DGKB: variants seen among roughly 807,000 people sequenced by gnomAD.
DGKB encodes the protein diacylglycerol kinase beta.
A neutral mutation model predicts 114.3 loss-of-function variants in DGKB; 67 were observed. That is an observed-to-expected ratio of 0.59 (90% CI 0.48 to 0.72). The LOEUF (loss-of-function observed/expected upper bound fraction) is 0.72. Ranked by LOEUF, DGKB falls within the 30% of genes least tolerant of loss-of-function variation. The pLI, the probability that DGKB is intolerant of heterozygous loss-of-function variation, is 0.00. For synonymous variants in DGKB, 398 were observed against 323.1 expected (o/e 1.23, Z -2.49); for missense variants, 907 against 975.2 (o/e 0.93, Z 0.93).
chr7:14,777,746 C>T (rs1223891378), intron 2 of DGKB, among the ~76,000 whole-genome samples: 2 of 152,132 alleles, frequency 1.3e-5, no homozygotes, highest in African/African-American at 4.8e-5. Context: ...CTAATACATA[C>T]ACATTTAGAA....
At chr7:14,642,622 A>G (rs551561687) in intron 13 of DGKB, among the ~76,000 whole-genome samples, 2 of 152,196 alleles carry the variant, frequency 1.3e-5, no homozygotes, top group African/African-American at 4.8e-5. Flanking sequence ...AATCAAGCCT[A>G]TAATATTTAT....
At chr7:14,379,153 T>C (rs1818977500) in intron 21 of DGKB, among the ~76,000 whole-genome samples, 1 of 152,182 alleles carries the variant, frequency 6.6e-6, no homozygotes, top group Non-Finnish European at 1.5e-5. Flanking sequence ...CTTCATTTTC[T>C]AAATTTGTTA....
At chr7:14,610,183 C>T (rs1193860930) in intron 16 of DGKB, among the ~76,000 whole-genome samples, 1 of 152,028 alleles carries the variant, frequency 6.6e-6, no homozygotes, top group Non-Finnish European at 1.5e-5. Context: ...TGGAATACTA[C>T]ACAGCCATTA....
At chr7:14,411,620 T>C (rs531561084) in intron 21 of DGKB, among the ~76,000 whole-genome samples, 226 of 152,154 alleles carry the variant, frequency 1.5e-3, no homozygotes, top group African/African-American at 5.0e-3. Flanking sequence ...AATTCCTGCA[T>C]AATAGGATCA....
chr7:14,715,075 T>G (rs924553219), intron 6 of DGKB, among the ~76,000 whole-genome samples: 6 of 152,080 alleles, frequency 3.9e-5, no homozygotes, highest in Non-Finnish European at 5.9e-5. Context: ...GAAAACTGAG[T>G]CCTGAGGAAG....
At chr7:14,421,866 G>A (rs1383288112) in intron 21 of DGKB, among the ~76,000 whole-genome samples, 1 of 151,894 alleles carries the variant, frequency 6.6e-6, no homozygotes, top group Non-Finnish European at 1.5e-5. Context: ...CAAATATGGG[G>A]CTCAGAAGTA....
At chr7:14,506,242 C>A (rs1787035970) in intron 20 of DGKB, among the ~76,000 whole-genome samples, 1 of 152,134 alleles carries the variant, frequency 6.6e-6, no homozygotes, top group Admixed American at 6.5e-5. Context: ...GATGTAAACT[C>A]ACCCACATAA....
intron 13 of DGKB, among the ~76,000 whole-genome samples, chr7:14,654,278 C>T (rs2128908094): frequency 6.6e-6 from 1 of 151,902 alleles, no homozygotes; most frequent in South Asian, 2.1e-4. Context: ...GAAGGAAATC[C>T]CATTTATAAT....
intron 23 of DGKB, among the ~76,000 whole-genome samples, chr7:14,238,185 T>C (rs1032485357): frequency 3.9e-5 from 6 of 152,048 alleles, no homozygotes; most frequent in Admixed American, 1.3e-4. Flanking sequence ...GTAATTCCCA[T>C]GTATTGAGGG....
intron 20 of DGKB, among the ~76,000 whole-genome samples, chr7:14,519,607 G>A (rs919581127): frequency 1.3e-5 from 2 of 151,958 alleles, no homozygotes; most frequent in African/African-American, 4.8e-5. Context: ...ATTTCTAGGT[G>A]TAGAATTAAC....
At chr7:14,319,377 TA>T (rs1342128261) in intron 23 of DGKB, among the ~76,000 whole-genome samples, 1 of 152,166 alleles carries the variant, frequency 6.6e-6, no homozygotes, top group Non-Finnish European at 1.5e-5. Context: ...CAGAGATTTA[TA>T]AAAAGCAATA....
intron 4 of DGKB, among the ~76,000 whole-genome samples, chr7:14,741,368 C>T (rs777141175): frequency 1.3e-5 from 2 of 152,186 alleles, no homozygotes; most frequent in African/African-American, 2.4e-5. Context: ...AGGTTGGTCT[C>T]AAGCTGTAGC....
chr7:14,513,399 T>C lies in DGKB; in HGVS notation c.1771-35174A>G, dbSNP rs183484236. Among the ~76,000 whole-genome samples the C allele has an allele frequency of 1.6e-3, 246 of 152,170 alleles. 6 individuals carry two copies. The highest frequency in any genetic ancestry group is 0.016 in the Admixed American group (243 of 15,288). ...CTTTTCTGAGTGTAAATTTGTTGTGTATTTTGCACTTTCTCATCAAATTAA... is the reference window on the plus strand; with the variant it reads ...CTTTTCTGAGTGTAAATTTGTTGTGCATTTTGCACTTTCTCATCAAATTAA... On this transcript the variant is annotated intron_variant, in intron 20 of 25. Coordinates refer to ENST00000402815, the MANE Select transcript of DGKB (RefSeq NM_001350709.2).
intron 20 of DGKB, among the ~76,000 whole-genome samples, chr7:14,558,781 T>C (rs1032872606): frequency 6.6e-6 from 1 of 152,174 alleles, no homozygotes; most frequent in Admixed American, 6.6e-5. Context: ...GTAGGTTCAG[T>C]ATGTTTGGCT....
At chr7:14,498,119 G>T (rs539385308) in intron 20 of DGKB, among the ~76,000 whole-genome samples, 2 of 151,792 alleles carry the variant, frequency 1.3e-5, no homozygotes, top group African/African-American at 4.8e-5. Context: ...ACTTAAAAAG[G>T]TATGTAATTT....
chr7:14,647,415 C>T (rs756708641), intron 13 of DGKB, among the ~76,000 whole-genome samples: 81 of 152,074 alleles, frequency 5.3e-4, no homozygotes, highest in Non-Finnish European at 8.1e-4. Flanking sequence ...TAAAGACAAA[C>T]GAAACCAATT....
chr7:14,160,238 C>T (rs1783676153), intron 25 of DGKB, among the ~76,000 whole-genome samples: 1 of 152,140 alleles, frequency 6.6e-6, no homozygotes, highest in African/African-American at 2.4e-5. Context: ...CCTCTCTCAC[C>T]ACTTTTATTC....
intron 25 of DGKB, among the ~76,000 whole-genome samples, chr7:14,166,079 C>A (rs1324313055): frequency 1.3e-5 from 2 of 152,146 alleles, no homozygotes; most frequent in Non-Finnish European, 2.9e-5. Context: ...TAACCTCATC[C>A]GTATAGTCTA....
rs549510121 is a variant in DGKB at position 14,146,503 on chromosome 7, G to T, written c.*2628C>A. On this transcript the variant is annotated 3_prime_UTR_variant, in exon 26 of 26. Coordinates refer to ENST00000402815, the MANE Select transcript of DGKB (RefSeq NM_001350709.2). ...AGAAGAGAAGTTTCCATCTTGTAAA[G>T]CTAACAACATTCATCATTCAATATT... 6.6e-6 allele frequency: 1 copy of T among 152,234 alleles called. No homozygotes were observed. Among genetic ancestry groups the T allele is most frequent in the East Asian group, 1.9e-4 (1 of 5,172 alleles). The allele number at this position is 152,234 out of a possible 1,614,324, so 9.4% of individuals were successfully genotyped here. A position where few individuals can be genotyped will look rare whatever the true frequency, so the allele number is the denominator to read the frequency against.
Sources: gnomAD v4.1 joint callset for allele counts (sites outside exome capture counted in the v4.1 genomes callset) on GRCh38, gnomAD v4.1.1 for gene constraint, MANE v1.5 for transcripts, NCBI Gene and HGNC (gene_info 2026-07-23, HGNC 2026-07-21) for gene names.